Variants in LRATD2 observed in about 807,000 individuals in gnomAD.
The protein encoded by LRATD2 is LRAT domain containing 2.
Under a neutral mutation model 12.0 loss-of-function variants are expected in LRATD2, and 10 were observed. The observed-to-expected ratio is 0.83, with a 90% CI of 0.51 to 1.41. The LOEUF is 1.41. Ranked by LOEUF, LRATD2 falls within the 40% of genes most tolerant of loss-of-function variation. The probability of loss-of-function intolerance (pLI) is 0.00; values close to 1 mark genes in which losing one functional copy is unlikely to be tolerated. For missense variants in LRATD2, 455 were observed against 446.1 expected, an observed-to-expected ratio of 1.02 and a Z score of -0.18; for synonymous variants, 220 against 205.8, an observed-to-expected ratio of 1.07 and a Z score of -0.59.
rs528251767 is a variant in LRATD2 at position 126,554,399 on chromosome 8, T to A, written c.*2058A>T. Reference sequence around the variant, plus strand: ...TCCTAAATGTCTTAACCCATGTTTATCTTGTTCTGCTATTCCATGAGCAAA... The same window carrying A: ...TCCTAAATGTCTTAACCCATGTTTAACTTGTTCTGCTATTCCATGAGCAAA... On this transcript the variant is annotated 3_prime_UTR_variant, in exon 2 of 2. Transcript: ENST00000304916. 6 of 152,260 alleles carry A rather than the reference T, an allele frequency of 3.9e-5. No individual in the cohort carries two copies. Among genetic ancestry groups the A allele is most frequent in the Non-Finnish European group, 8.8e-5 (6 of 68,044 alleles). The allele number at this position is 152,260 out of a possible 1,614,324, so 9.4% of individuals were successfully genotyped here. A position where few individuals can be genotyped will look rare whatever the true frequency, so the allele number is the denominator to read the frequency against.
Position 126,557,269 on chromosome 8 carries a change from CA to C in LRATD2, c.120del (p.Asn40LysfsTer65). The stretch of plus-strand genomic sequence containing the variant: ...GGCTGCGGCTCCACGTCCTCATCGT[CA>C]TTGGAGAAAATGTAGGAGACCCCAA... The part of the protein sequence containing the change: ...PRIGVSYIFS[N>X]DDEDVEPQPP... On this transcript the variant is annotated frameshift_variant, in exon 2 of 2. Transcript: ENST00000304916. LOFTEE classifies it high-confidence loss of function. The surrounding 1 kb of genome is among the most constrained non-coding windows in gnomAD (Gnocchi z 5.3). The C allele has an allele frequency of 6.2e-7, 1 of 1,611,794 alleles. No individual in the cohort carries two copies. The highest frequency in any genetic ancestry group is 8.5e-7 in the Non-Finnish European group (1 of 1,179,412).
At position 126,556,476 on chromosome 8, in the gene LRATD2, C is replaced by T. The variant is rs1349177416; in HGVS notation, c.914G>A (p.Gly305Glu). ...CGCCCATCAGTGTGCCACTGCCTCT[C>T]CGTCCTCCTCCTCGGAGCTGGGCGC... ...PPAPSSEEED[G>E]EAVAH Residue 305 changes from glycine to glutamate, a missense_variant, in exon 2 of 2, where the codon GGA (glycine) becomes GAA (glutamate). Transcript: ENST00000304916. This position sits in a 1 kb window ranked among gnomAD's most constrained non-coding sequence, Gnocchi z 5.6. 6.3e-7 allele frequency: 1 copy of T among 1,582,088 alleles called. No homozygotes were observed. Among genetic ancestry groups the T allele is most frequent in the Non-Finnish European group, 8.6e-7 (1 of 1,167,304 alleles).
rs1351159441 is a variant in LRATD2, at chr8:126,557,571, C to T, written c.-96-86G>A. On this transcript the variant is annotated intron_variant, in intron 1 of 1. Coordinates refer to ENST00000304916, the MANE Select transcript of LRATD2 (RefSeq NM_174911.5). The surrounding 1 kb of genome is among the most constrained non-coding windows in gnomAD (Gnocchi z 5.3). ...TTCCGAAAAAGAATCGGTGGGGGCTCAGCACCTGGAGCCATTTTAGGGGGA... is the reference window on the plus strand; with the variant it reads ...TTCCGAAAAAGAATCGGTGGGGGCTTAGCACCTGGAGCCATTTTAGGGGGA... 6 of 659,420 alleles carry T rather than the reference C, an allele frequency of 9.1e-6. No homozygotes were observed. Among genetic ancestry groups the T allele is most frequent in the African/African-American group, 1.8e-5 (1 of 54,192 alleles). The allele number at this position is 659,420 out of a possible 1,614,324, so 40.8% of individuals were successfully genotyped here.
rs1817479991 is a variant in LRATD2 at position 126,558,359 on chromosome 8, G to T, written c.-422C>A. ...GAGGACGGCAGCCTCGCAGCCTGGCGGCAACAGCTCCCGCTTGGGCCGGGC... is the reference window on the plus strand; with the variant it reads ...GAGGACGGCAGCCTCGCAGCCTGGCTGCAACAGCTCCCGCTTGGGCCGGGC... On this transcript the variant is annotated 5_prime_UTR_variant, in exon 1 of 2. Transcript: ENST00000304916. 1 of 152,252 alleles carries T rather than the reference G, an allele frequency of 6.6e-6. No homozygotes were observed. Among genetic ancestry groups the T allele is most frequent in the Non-Finnish European group, 1.5e-5 (1 of 68,076 alleles). The allele number at this position is 152,252 out of a possible 1,614,324, so 9.4% of individuals were successfully genotyped here.
In LRATD2 at chr8:126,556,945, C is replaced by G; in HGVS notation, c.445G>C (p.Glu149Gln). 1 of 1,610,286 alleles carries G rather than the reference C, an allele frequency of 6.2e-7. No homozygotes were observed. The highest frequency in any genetic ancestry group is 2.2e-5 in the East Asian group (1 of 44,864). ...NFQVVHLHRL[E>Q]VINSFLTDAS... Reference sequence around the variant, plus strand: ...TCAGTCAGGAAGCTGTTAATCACCTCCAGCCGGTGCAGGTGCACCACCTGG... The same window carrying G: ...TCAGTCAGGAAGCTGTTAATCACCTGCAGCCGGTGCAGGTGCACCACCTGG... Residue 149 changes from glutamate (E) to glutamine (Q), a missense_variant, in exon 2 of 2, where the codon GAG becomes CAG. Transcript: ENST00000304916. This position sits in a 1 kb window ranked among gnomAD's most constrained non-coding sequence, Gnocchi z 5.6.
Position 126,557,445 on chromosome 8 carries a change from A to G in LRATD2, c.-56T>C. ...AAGGGGAGAAAGCGAAACCAACTCC[A>G]GGGTCATTTGCACAGGTCCCCGGAC... On this transcript the variant is annotated 5_prime_UTR_variant, in exon 2 of 2. Transcript: ENST00000304916. The surrounding 1 kb of genome is among the most constrained non-coding windows in gnomAD (Gnocchi z 5.3). 1 of 1,580,104 alleles carries G rather than the reference A, an allele frequency of 6.3e-7. No individual in the cohort carries two copies. The highest frequency in any genetic ancestry group is 1.7e-4 in the Middle Eastern group (1 of 5,962).
At position 126,554,270 on chromosome 8, in the gene LRATD2, G is replaced by C. The variant is rs1817339339; in HGVS notation, c.*2187C>G. On this transcript the variant is annotated 3_prime_UTR_variant, in exon 2 of 2. Transcript: ENST00000304916. The stretch of plus-strand genomic sequence containing the variant: ...GATCTACCTGCCTCAGCCTCCCAAA[G>C]TGCTGGGATTACAGGCATGAGCCAC... The C allele has an allele frequency of 6.6e-6, 1 of 152,328 alleles. No homozygotes were observed. Among genetic ancestry groups the C allele is most frequent in the Non-Finnish European group, 1.5e-5 (1 of 68,128 alleles). 9.4% of individuals were successfully genotyped at this position (152,328 alleles called of 1,614,324 possible). A position where few individuals can be genotyped will look rare whatever the true frequency, so the allele number is the denominator to read the frequency against.
Position 126,556,756 on chromosome 8 carries a change from T to C in LRATD2, c.634A>G (p.Lys212Glu). The change falls in exon 2 of 2, where the codon AAG becomes GAG. Residue 212 changes from lysine (K) to glutamate (E), a missense_variant. By Grantham distance (56) the Lys-to-Glu change is moderately conservative (BLOSUM62 1). Coordinates refer to ENST00000304916, the MANE Select transcript of LRATD2 (RefSeq NM_174911.5). The surrounding 1 kb of genome is among the most constrained non-coding windows in gnomAD (Gnocchi z 5.6). ...TCGCCGCCGATCTTGAACTCGCGCT[T>C]GCCGTAGCGGCACCAGGCGGCGAAA... Reference protein sequence around the residue: ...ESFAAWCRYGKREFKIGGELR... With the variant: ...ESFAAWCRYGEREFKIGGELR... 1 of 1,599,734 alleles carries C rather than the reference T, an allele frequency of 6.3e-7. No individual in the cohort carries two copies. The highest frequency in any genetic ancestry group is 8.5e-7 in the Non-Finnish European group (1 of 1,173,468).
rs907036568 is a variant in LRATD2, at chr8:126,553,855, G to A, written c.*2602C>T. ...TATTGAAAACCTCTTCTCTAGAAGAGAGAGTCACTGCTCTCTCTTAACACA... is the reference window on the plus strand; with the variant it reads ...TATTGAAAACCTCTTCTCTAGAAGAAAGAGTCACTGCTCTCTCTTAACACA... On this transcript the variant is annotated 3_prime_UTR_variant, in exon 2 of 2. Transcript: ENST00000304916. The A allele has an allele frequency of 1.3e-5, 2 of 152,184 alleles. No individual in the cohort carries two copies. The highest frequency in any genetic ancestry group is 6.6e-5 in the Admixed American group (1 of 15,264). 9.4% of individuals were successfully genotyped at this position (152,184 alleles called of 1,614,324 possible). A position where few individuals can be genotyped will look rare whatever the true frequency, so the allele number is the denominator to read the frequency against.
rs967436456 is a variant in LRATD2, at chr8:126,556,160, A to T, written c.*297T>A. ...GCCGATTATAAACCCAGATCTACCA[A>T]GGTTTAAGTGCCAGGCAAGTCCACA... On this transcript the variant is annotated 3_prime_UTR_variant, in exon 2 of 2. Coordinates refer to ENST00000304916, the MANE Select transcript of LRATD2 (RefSeq NM_174911.5). This position sits in a 1 kb window ranked among gnomAD's most constrained non-coding sequence, Gnocchi z 5.6. 2.3e-6 allele frequency: 1 copy of T among 430,742 alleles called. No homozygotes were observed. Among genetic ancestry groups the T allele is most frequent in the Admixed American group, 4.4e-5 (1 of 22,810 alleles). The allele number at this position is 430,742 out of a possible 1,614,324, so 26.7% of individuals were successfully genotyped here.
chr8:126,557,502 G>T lies in LRATD2; in HGVS notation c.-96-17C>A. The T allele has an allele frequency of 8.3e-7, 1 of 1,211,570 alleles. No homozygotes were observed. The highest frequency in any genetic ancestry group is 1.4e-5 in the South Asian group (1 of 69,628). The allele number at this position is 1,211,570 out of a possible 1,614,324, so 75.1% of individuals were successfully genotyped here. ...TGAGGCTACCTGTTGGGAGAGGAAG[G>T]CAAGAAAGCCATGCAGGAGCCCCTC... is the stretch of plus-strand genomic sequence containing the variant. On this transcript the variant is annotated splice_polypyrimidine_tract_variant and intron_variant, in intron 1 of 1. Transcript: ENST00000304916. This position sits in a 1 kb window ranked among gnomAD's most constrained non-coding sequence, Gnocchi z 5.3.
At position 126,554,116 on chromosome 8, in the gene LRATD2, C is replaced by T. The variant is rs943493451; in HGVS notation, c.*2341G>A. 1 of 152,398 alleles carries T rather than the reference C, an allele frequency of 6.6e-6. No homozygotes were observed. The highest frequency in any genetic ancestry group is 2.4e-5 in the African/African-American group (1 of 41,478). 9.4% of individuals were successfully genotyped at this position (152,398 alleles called of 1,614,324 possible). A position where few individuals can be genotyped will look rare whatever the true frequency, so the allele number is the denominator to read the frequency against. On this transcript the variant is annotated 3_prime_UTR_variant, in exon 2 of 2. Transcript: ENST00000304916. ...TGCTTCCCAGCTTCAAGCAATTCTT[C>T]TGCCTCAGGCTCCCAAGTAGCAGGC...
In LRATD2 at chr8:126,556,896, C is replaced by A; in HGVS notation, c.494G>T (p.Arg165Leu). ...GTAGCGGTACAGATCGTTGACCACG[C>A]GGCCGCGACGGCCCTGGCTGGCGTC... ...LTDASQGRRG[R>L]VVNDLYRYKP... is the part of the protein sequence containing the mutation. The change falls in exon 2 of 2, where the codon CGC becomes CTC. Residue 165 changes from arginine to leucine, a missense_variant. Transcript: ENST00000304916. The surrounding 1 kb of genome is among the most constrained non-coding windows in gnomAD (Gnocchi z 5.6). The A allele has an allele frequency of 6.2e-7, 1 of 1,608,298 alleles. No homozygotes were observed. The highest frequency in any genetic ancestry group is 8.5e-7 in the Non-Finnish European group (1 of 1,179,728).
Position 126,557,538 on chromosome 8 carries a change from G to C in LRATD2, c.-96-53C>G, listed in dbSNP as rs996944392. On this transcript the variant is annotated intron_variant, in intron 1 of 1. Transcript: ENST00000304916. The surrounding 1 kb of genome is among the most constrained non-coding windows in gnomAD (Gnocchi z 5.3). ...ATGCAGGAGCCCCTCCGTGAAAAGG[G>C]CGTTTTGTTCCGAAAAAGAATCGGT... 14 of 865,846 alleles carry C rather than the reference G, an allele frequency of 1.6e-5. No individual in the cohort carries two copies. Among genetic ancestry groups the C allele is most frequent in the Non-Finnish European group, 2.1e-5 (12 of 567,676 alleles). The allele number at this position is 865,846 out of a possible 1,614,324, so 53.6% of individuals were successfully genotyped here.
chr8:126,556,597 C>T lies in LRATD2; in HGVS notation c.793G>A (p.Val265Met). 2 of 1,610,188 alleles carry T rather than the reference C, an allele frequency of 1.2e-6. No homozygotes were observed. Among genetic ancestry groups the T allele is most frequent in the South Asian group, 1.1e-5 (1 of 90,882 alleles). Reference sequence around the variant, plus strand: ...AGGTGCGTGGCGAGCTCCTGCAGCACGGCCGCGCGCCCGATCTGGTCGTTG... The same window carrying T: ...AGGTGCGTGGCGAGCTCCTGCAGCATGGCCGCGCGCCCGATCTGGTCGTTG... ...RRNDQIGRAA[V>M]LQELATHLHP... Residue 265 changes from valine (V) to methionine (M), a missense_variant, in exon 2 of 2, where the codon GTG becomes ATG. Val to Met is a conservative substitution (Grantham distance 21). Transcript: ENST00000304916. This position sits in a 1 kb window ranked among gnomAD's most constrained non-coding sequence, Gnocchi z 5.6.
rs188993146 is a variant in LRATD2, at chr8:126,557,816, T to C, written c.-97+218A>G. On this transcript the variant is annotated intron_variant, in intron 1 of 1. Coordinates refer to ENST00000304916, the MANE Select transcript of LRATD2 (RefSeq NM_174911.5). The surrounding 1 kb of genome is among the most constrained non-coding windows in gnomAD (Gnocchi z 5.3). ...AACTTTACGCCAATCCCCCCCCTCC[T>C]CTGCTAACTTCCCCTCCCACCCTCG... The C allele has an allele frequency of 1.1e-4, 19 of 172,430 alleles. No homozygotes were observed. The highest frequency in any genetic ancestry group is 6.3e-4 in the Admixed American group (10 of 15,974). The allele number at this position is 172,430 out of a possible 1,614,324, so 10.7% of individuals were successfully genotyped here. A position where few individuals can be genotyped will look rare whatever the true frequency, so the allele number is the denominator to read the frequency against.
rs1338554253 is a variant in LRATD2 at position 126,555,548 on chromosome 8, C to T, written c.*909G>A. ...TGCCCTGCGGATAAACACAGCCAAG[C>T]AGGTTTAATTAGATCAAAGACACAA... On this transcript the variant is annotated 3_prime_UTR_variant, in exon 2 of 2. Transcript: ENST00000304916. 2 of 152,604 alleles carry T rather than the reference C, an allele frequency of 1.3e-5. No individual in the cohort carries two copies. The highest frequency in any genetic ancestry group is 2.1e-4 in the South Asian group (1 of 4,824). The allele number at this position is 152,604 out of a possible 1,614,324, so 9.5% of individuals were successfully genotyped here. A position where few individuals can be genotyped will look rare whatever the true frequency, so the allele number is the denominator to read the frequency against.
chr8:126,557,428 A>G lies in LRATD2; in HGVS notation c.-39T>C, dbSNP rs1817441681. On this transcript the variant is annotated 5_prime_UTR_variant, in exon 2 of 2. Transcript: ENST00000304916. This position sits in a 1 kb window ranked among gnomAD's most constrained non-coding sequence, Gnocchi z 5.3. ...CACGTTCACACCGCCGCAAGGGGAGAAAGCGAAACCAACTCCAGGGTCATT... is the reference window on the plus strand; with the variant it reads ...CACGTTCACACCGCCGCAAGGGGAGGAAGCGAAACCAACTCCAGGGTCATT... 1 of 1,601,192 alleles carries G rather than the reference A, an allele frequency of 6.2e-7. No homozygotes were observed. The highest frequency in any genetic ancestry group is 1.3e-5 in the African/African-American group (1 of 74,206).
At position 126,556,118 on chromosome 8, in the gene LRATD2, C is replaced by A; in HGVS notation, c.*339G>T. 1 of 315,974 alleles carries A rather than the reference C, an allele frequency of 3.2e-6. No individual in the cohort carries two copies. The highest frequency in any genetic ancestry group is 5.8e-6 in the Non-Finnish European group (1 of 173,002). 19.6% of individuals were successfully genotyped at this position (315,974 alleles called of 1,614,324 possible). A position where few individuals can be genotyped will look rare whatever the true frequency, so the allele number is the denominator to read the frequency against. Reference sequence around the variant, plus strand: ...GGGTACTCCGAACTTTCCCCCAACCCCACGTGCTTAAGAATGGCCGATTAT... The same window carrying A: ...GGGTACTCCGAACTTTCCCCCAACCACACGTGCTTAAGAATGGCCGATTAT... On this transcript the variant is annotated 3_prime_UTR_variant, in exon 2 of 2. Transcript: ENST00000304916. This position sits in a 1 kb window ranked among gnomAD's most constrained non-coding sequence, Gnocchi z 5.6.
Sources: allele counts gnomAD v4.1 joint callset, GRCh38; gene constraint gnomAD v4.1.1; non-coding constraint Gnocchi (gnomAD v3.1); transcripts MANE v1.5; gene names NCBI Gene and HGNC (gene_info 2026-07-23, HGNC 2026-07-21).